UBASH3B: variants seen among roughly 807,000 people sequenced by gnomAD.
UBASH3B encodes ubiquitin-associated and SH3 domain-containing protein B.
UBASH3B carries 37 observed loss-of-function variants against 83.4 expected under a neutral mutation model. The ratio of observed to expected loss-of-function variants is 0.44; its 90% CI spans 0.34 to 0.58. UBASH3B has a LOEUF of 0.58. Among genes scored for constraint, UBASH3B ranks in the 20% least tolerant of loss-of-function variants. UBASH3B has a pLI of 0.01. For synonymous variants in UBASH3B, 304 were observed against 318.3 expected, an observed-to-expected ratio of 0.96 and a Z score of 0.48; for missense variants, 657 against 827.2, an observed-to-expected ratio of 0.79 and a Z score of 2.52.
At chr11:122,765,702 G>A (rs535151816) in intron 1 of UBASH3B, among the ~76,000 whole-genome samples, 1 of 152,250 alleles carries the variant, frequency 6.6e-6, no homozygotes, top group South Asian at 2.1e-4. Context: ...CAGCCCATTG[G>A]GTTACTGGAT....
intron 1 of UBASH3B, among the ~76,000 whole-genome samples, chr11:122,666,866 CCCT>C (rs1863526870): frequency 6.6e-6 from 1 of 151,204 alleles, no homozygotes; most frequent in Admixed American, 6.6e-5. Flanking sequence ...CTTTCTCTTC[CCCT>C]CCTCTCTCAC....
intron 1 of UBASH3B, chr11:122,709,218 G>A (rs1158619997): frequency 2.0e-5 from 3 of 152,322 alleles, no homozygotes; most frequent in South Asian, 2.1e-4. Flanking sequence ...CTCCATCCTG[G>A]GTGACAGAGC....
At chr11:122,774,292 T>C (rs1860696349) in intron 1 of UBASH3B, 1 of 985,472 alleles carries the variant, frequency 1.0e-6, no homozygotes, top group South Asian at 4.7e-5. Context: ...TACAGTGCTG[T>C]TCTCATTAGC....
At chr11:122,747,649 G>T (rs773826647) in intron 1 of UBASH3B, among the ~76,000 whole-genome samples, 1 of 152,192 alleles carries the variant, frequency 6.6e-6, no homozygotes, top group Non-Finnish European at 1.5e-5. Flanking sequence ...GTTCCTGTAC[G>T]TTTGGAGACA....
intron 8 of UBASH3B, 54 bp downstream of exon 8, chr11:122,796,330 C>T (rs944969734): frequency 6.3e-6 from 10 of 1,596,390 alleles, no homozygotes; most frequent in Middle Eastern, 1.7e-4. Context: ...GGCCTCTAGG[C>T]GGCACAGTCA....
chr11:122,659,445 A>G (rs1366788587), intron 1 of UBASH3B, among the ~76,000 whole-genome samples: 3 of 152,152 alleles, frequency 2.0e-5, no homozygotes. Flanking sequence ...CTCCTTGCCC[A>G]GGCTTGCTTC....
intron 1 of UBASH3B, among the ~76,000 whole-genome samples, chr11:122,755,945 T>A (rs536014079): frequency 3.9e-5 from 6 of 152,164 alleles, no homozygotes; most frequent in Admixed American, 2.6e-4. Flanking sequence ...TACCTAAACA[T>A]TGCAGTGTTC....
chr11:122,689,311 T>TA (rs1039965111), intron 1 of UBASH3B, among the ~76,000 whole-genome samples: 3 of 152,228 alleles, frequency 2.0e-5, no homozygotes, highest in African/African-American at 7.2e-5. Context: ...ATTATTTGTC[T>TA]AAAATGATTT....
intron 1 of UBASH3B, among the ~76,000 whole-genome samples, chr11:122,677,006 T>C (rs966895600): frequency 2.6e-5 from 4 of 152,236 alleles, no homozygotes. Context: ...TGAAATGTTA[T>C]ACAGTCGGCC....
rs1194309389 is a variant in UBASH3B at position 122,765,086 on chromosome 11, C to T, written c.162-11133C>T. 4.9e-5 allele frequency among the ~76,000 whole-genome samples: 7 copies of T among 143,426 alleles called. No homozygotes were observed. The East Asian group carries it at 1.4e-3, about 28-fold the overall frequency. 94.1% of individuals were successfully genotyped at this position (143,426 alleles called of 152,430 possible). ...TTTTTTGTTTTATAGTCATAAAAGC[C>T]CTTTTTTTTTTTCATGTCTAGACTT... On this transcript the variant is annotated intron_variant, in intron 1 of 13. Transcript: ENST00000284273.
chr11:122,709,818 A>G (rs1417654277), intron 1 of UBASH3B, among the ~76,000 whole-genome samples: 1 of 151,970 alleles, frequency 6.6e-6, no homozygotes, highest in Non-Finnish European at 1.5e-5. Context: ...TTTTTGGTTT[A>G]TGTGTTTGTT....
chr11:122,760,397 G>A (rs1296433585), intron 1 of UBASH3B, among the ~76,000 whole-genome samples: 1 of 150,636 alleles, frequency 6.6e-6, no homozygotes, highest in Non-Finnish European at 1.5e-5. Flanking sequence ...GTCTTGCTCT[G>A]TCACCCAGGC....
intron 1 of UBASH3B, among the ~76,000 whole-genome samples, chr11:122,738,362 C>T (rs1860968982): frequency 6.6e-6 from 1 of 152,184 alleles, no homozygotes; most frequent in African/African-American, 2.4e-5. Flanking sequence ...GGGGAAAGTG[C>T]AATTGAGCAC....
intron 1 of UBASH3B, among the ~76,000 whole-genome samples, chr11:122,686,537 A>T (rs1863810719): frequency 6.6e-6 from 1 of 152,206 alleles, no homozygotes. Context: ...AAACAACCAT[A>T]AAACTTGTTT....
intron 1 of UBASH3B, among the ~76,000 whole-genome samples, chr11:122,671,609 C>T (rs1001407828): frequency 2.0e-5 from 3 of 152,264 alleles, no homozygotes; most frequent in Non-Finnish European, 4.4e-5. Flanking sequence ...ACAGATCTCC[C>T]GGTATCACTT....
Position 122,709,860 on chromosome 11 carries a change from A to G in UBASH3B, c.161+53650A>G, listed in dbSNP as rs1037853741. ...TTAGTTCATTCATTTGCCTAGATCAAAAGAGCATTCTCGAGGCCAGGGGCT... is the reference window on the plus strand; with the variant it reads ...TTAGTTCATTCATTTGCCTAGATCAGAAGAGCATTCTCGAGGCCAGGGGCT... On this transcript the variant is annotated intron_variant, in intron 1 of 13. Transcript: ENST00000284273. Among the ~76,000 whole-genome samples, 6 of 152,122 alleles carry G rather than the reference A, an allele frequency of 3.9e-5. No individual in the cohort carries two copies. The East Asian group carries it at 1.2e-3, about 29-fold the overall frequency.
chr11:122,760,396 T>C (rs1861350886), intron 1 of UBASH3B, among the ~76,000 whole-genome samples: 1 of 152,018 alleles, frequency 6.6e-6, no homozygotes, highest in Admixed American at 6.5e-5. Flanking sequence ...AGTCTTGCTC[T>C]GTCACCCAGG....
At chr11:122,755,364 C>T (rs1399194395) in intron 1 of UBASH3B, among the ~76,000 whole-genome samples, 1 of 152,104 alleles carries the variant, frequency 6.6e-6, no homozygotes, top group Admixed American at 6.6e-5. Flanking sequence ...TGGCTTATAG[C>T]CTTCTGTGGA....
intron 1 of UBASH3B, among the ~76,000 whole-genome samples, chr11:122,772,934 T>C (rs1860672557): frequency 6.6e-6 from 1 of 152,226 alleles, no homozygotes; most frequent in South Asian, 2.1e-4. Context: ...GGTTCACACA[T>C]GACAAAACTT....
Sources: gnomAD v4.1 joint callset for allele counts (sites outside exome capture counted in the v4.1 genomes callset) on GRCh38, gnomAD v4.1.1 for gene constraint, MANE v1.5 for transcripts, NCBI Gene and HGNC (gene_info 2026-07-23, HGNC 2026-07-21) for gene names.